CHN2: variants seen among roughly 807,000 people sequenced by gnomAD.
CHN2 encodes the protein chimerin 2.
Under a neutral mutation model 56.3 loss-of-function variants are expected in CHN2, and 35 were observed. The observed-to-expected ratio is 0.62, with a 90% confidence interval of 0.47 to 0.82. CHN2 has a LOEUF of 0.82. CHN2 is among the 40% of genes least tolerant of loss of function. CHN2 has a pLI of 0.00. For synonymous variants in CHN2, 210 were observed against 212.8 expected (o/e 0.99, Z 0.12); for missense variants, 491 against 580.5 (o/e 0.85, Z 1.58).
intron 3 of CHN2, among the ~76,000 whole-genome samples, chr7:29,375,394 C>T (rs1799996351): frequency 6.6e-6 from 1 of 151,494 alleles, no homozygotes; most frequent in African/African-American, 2.4e-5. Flanking sequence ...CAGGGTTTCA[C>T]CATGTTGGCT....
chr7:29,206,418 A>G (rs1056792996), intron 1 of CHN2, among the ~76,000 whole-genome samples: 2 of 152,000 alleles, frequency 1.3e-5, no homozygotes, highest in African/African-American at 4.8e-5. Context: ...AGTAGCTGGG[A>G]TTACAGGTGC....
chr7:29,474,118 C>T (rs957300391), intron 6 of CHN2, among the ~76,000 whole-genome samples: 1 of 152,032 alleles, frequency 6.6e-6, no homozygotes, highest in Non-Finnish European at 1.5e-5. Context: ...CTGTGCATAC[C>T]TACTTACAAA....
At chr7:29,245,662 G>A (rs768938761) in intron 1 of CHN2, among the ~76,000 whole-genome samples, 1 of 152,156 alleles carries the variant, frequency 6.6e-6, no homozygotes, top group Non-Finnish European at 1.5e-5. Context: ...TTTGCCCAAA[G>A]CCACACAGCC....
In CHN2 at chr7:29,419,073, G is replaced by A. The variant is rs149237701; in HGVS notation, c.576+18245G>A. On this transcript the variant is annotated intron_variant, in intron 6 of 12. Transcript: ENST00000222792. The stretch of plus-strand genomic sequence containing the variant: ...TCTTTTTTTAAATTTTCCAAGAACT[G>A]ACAACTGTTAGGCCAGTCTTGGGTG... Among the ~76,000 whole-genome samples the A allele has an allele frequency of 1.0e-3, 154 of 151,780 alleles. 5 individuals carry two copies. In the East Asian group the frequency reaches 0.028, roughly 28 times the overall value.
intron 1 of CHN2, among the ~76,000 whole-genome samples, chr7:29,206,999 G>T (rs1230989130): frequency 6.6e-6 from 1 of 152,186 alleles, no homozygotes; most frequent in African/African-American, 2.4e-5. Flanking sequence ...TTGTGGTAAC[G>T]AAATTGTTCT....
At chr7:29,345,592 G>T (rs1288243424) in intron 1 of CHN2, among the ~76,000 whole-genome samples, 9 of 152,156 alleles carry the variant, frequency 5.9e-5, no homozygotes, top group Non-Finnish European at 1.2e-4. Flanking sequence ...TAAAGGGCAA[G>T]AGGAGAGACA....
At chr7:29,445,673 G>A (rs377666243) in intron 6 of CHN2, among the ~76,000 whole-genome samples, 1 of 151,518 alleles carries the variant, frequency 6.6e-6, no homozygotes, top group Non-Finnish European at 1.5e-5. Flanking sequence ...ATCAACTCAG[G>A]TTTGCTTTTT....
chr7:29,170,452 G>A (rs1390434403), intron 2 of CHN2, among the ~76,000 whole-genome samples: 1 of 152,154 alleles, frequency 6.6e-6, no homozygotes. Flanking sequence ...GCACATGTTA[G>A]ATTTTCCCCC....
chr7:29,211,597 G>C (rs972820148), intron 1 of CHN2, among the ~76,000 whole-genome samples: 2 of 151,960 alleles, frequency 1.3e-5, no homozygotes, highest in African/African-American at 4.8e-5. Context: ...AACTATCAGG[G>C]CCCACAAGTT....
chr7:29,221,528 A>G (rs1286844078), intron 1 of CHN2, among the ~76,000 whole-genome samples: 1 of 152,118 alleles, frequency 6.6e-6, no homozygotes, highest in East Asian at 1.9e-4. Flanking sequence ...ATAGGTAAAC[A>G]TGTGCCATGG....
At chr7:29,263,866 G>A (rs542234038) in intron 1 of CHN2, among the ~76,000 whole-genome samples, 2 of 149,328 alleles carry the variant, frequency 1.3e-5, no homozygotes, top group Admixed American at 6.6e-5. Flanking sequence ...CCCTCCGCCC[G>A]GCAGCCGCCC....
At chr7:29,193,509 A>C (rs931768967), upstream of CHN2, 6 of 152,100 alleles carry the variant, frequency 3.9e-5, no homozygotes, top group Non-Finnish European at 7.4e-5. Context: ...TCATTCCTTT[A>C]ATGTTTGCTT....
chr7:29,281,939 C>T (rs757088312), intron 1 of CHN2, among the ~76,000 whole-genome samples: 45 of 152,160 alleles, frequency 3.0e-4, no homozygotes, highest in Non-Finnish European at 5.7e-4. Context: ...TCTGCTGCCT[C>T]GGCACTGGGT....
At chr7:29,417,062 T>G (rs1562590917) in intron 6 of CHN2, among the ~76,000 whole-genome samples, 1 of 152,142 alleles carries the variant, frequency 6.6e-6, no homozygotes, top group Non-Finnish European at 1.5e-5. Flanking sequence ...CACCTGCACC[T>G]TCTTCGAAAT....
chr7:29,445,195 A>G, intron 6 of CHN2: 1 of 455,586 alleles, frequency 2.2e-6, no homozygotes, highest in Non-Finnish European at 4.4e-6. Flanking sequence ...CCAGACCCAC[A>G]GAATAAGTAA....
chr7:29,368,977 T>C (rs891907596), intron 3 of CHN2, among the ~76,000 whole-genome samples: 1 of 152,218 alleles, frequency 6.6e-6, no homozygotes, highest in Non-Finnish European at 1.5e-5. Context: ...GAGTTCCATT[T>C]ATTTGGTACT....
At chr7:29,450,474 C>T (rs535941188) in intron 6 of CHN2, among the ~76,000 whole-genome samples, 8 of 152,176 alleles carry the variant, frequency 5.3e-5, no homozygotes, top group Admixed American at 5.2e-4. Context: ...AGGAGAAGTC[C>T]GGGGGAAGTG....
At chr7:29,268,989 A>T (rs1790390045) in intron 1 of CHN2, among the ~76,000 whole-genome samples, 1 of 152,258 alleles carries the variant, frequency 6.6e-6, no homozygotes, top group South Asian at 2.1e-4. Context: ...ATACAAGCAT[A>T]TAATGTGTAA....
rs533955622 is a variant in CHN2 at position 29,325,503 on chromosome 7, G to A, written c.50-29122G>A. On this transcript the variant is annotated intron_variant, in intron 1 of 12. Coordinates refer to ENST00000222792, the MANE Select transcript of CHN2 (RefSeq NM_004067.4). ...CTATGAAAGGCAGCCAATTGTCTCA[G>A]GCCTTCTTTGATGTTCTCCTGGTTC... Among the ~76,000 whole-genome samples, 9 of 152,260 alleles carry A rather than the reference G, an allele frequency of 5.9e-5. 1 individual carries two copies. Among genetic ancestry groups the A allele is most frequent in the Admixed American group, 5.9e-4 (9 of 15,304 alleles).
Sources: gnomAD v4.1 joint callset for allele counts (sites outside exome capture counted in the v4.1 genomes callset) on GRCh38, gnomAD v4.1.1 for gene constraint, MANE v1.5 for transcripts, NCBI Gene and HGNC (gene_info 2026-07-23, HGNC 2026-07-21) for gene names.